The following TNNC2 variants were observed in gnomAD, a reference collection of about 807,000 sequenced individuals.
TNNC2 encodes the protein troponin C2, fast skeletal type, also known as troponin C, skeletal muscle.
Under a neutral mutation model 20.0 loss-of-function variants are expected in TNNC2, and 14 were observed. The ratio of observed to expected loss-of-function variants is 0.70; its 90% CI spans 0.46 to 1.09. TNNC2 has a LOEUF of 1.09. Among genes scored for constraint, TNNC2 ranks in the 50% least tolerant of loss-of-function variants. The pLI, the probability that TNNC2 is intolerant of heterozygous loss-of-function variation, is 0.00. For synonymous variants in TNNC2, 81 were observed against 77.3 expected, an observed-to-expected ratio of 1.05 and a Z score of -0.25; for missense variants, 163 against 223.8, an observed-to-expected ratio of 0.73 and a Z score of 1.73.
Position 45,823,756 on chromosome 20 carries a change from G to T in TNNC2, c.451+235C>A, listed in dbSNP as rs1982872365. On this transcript the variant is annotated intron_variant, in intron 5 of 5. Transcript: ENST00000372555. The surrounding 1 kb of genome is among the most constrained non-coding windows in gnomAD (Gnocchi z 4.6). ...AATCCTCCCACCTCATCCTCCCAAAGTTCTAGGATTTTACAGTCCTGAGCC... is the reference window on the plus strand; with the variant it reads ...AATCCTCCCACCTCATCCTCCCAAATTTCTAGGATTTTACAGTCCTGAGCC... Among the ~76,000 whole-genome samples, 1 of 152,008 alleles carries T rather than the reference G, an allele frequency of 6.6e-6. No homozygotes were observed. The highest frequency in any genetic ancestry group is 2.1e-4 in the South Asian group (1 of 4,814).
At chr20:45,824,947 G>A in intron 1 of TNNC2, 113 bp from the exon 2 acceptor site, 2 of 1,166,488 alleles carry the variant, frequency 1.7e-6, no homozygotes, top group Non-Finnish European at 2.5e-6. Context: ...TTCTCCAGAA[G>A]AACAACTTCA....
At chr20:45,827,348 G>A (rs556737543), upstream of TNNC2, 417 of 1,528,630 alleles carry the variant, frequency 2.7e-4, 1 homozygote, top group Non-Finnish European at 3.1e-4. Context: ...ATTTGTAGGG[G>A]CACCCTCCCC....
chr20:45,831,209 C>A (rs772192223), upstream of TNNC2, among the ~76,000 whole-genome samples: 1 of 152,054 alleles, frequency 6.6e-6, no homozygotes, highest in Non-Finnish European at 1.5e-5. Context: ...TCACTTGAGC[C>A]CAGGAGTTTG....
upstream of TNNC2, among the ~76,000 whole-genome samples, chr20:45,827,949 C>A (rs189539868): frequency 3.3e-5 from 5 of 152,208 alleles, no homozygotes; most frequent in African/African-American, 7.2e-5. Context: ...AACCCCATGA[C>A]GTGCCACACA....
upstream of TNNC2, among the ~76,000 whole-genome samples, chr20:45,828,791 G>A (rs1279030352): frequency 2.0e-5 from 3 of 152,092 alleles, no homozygotes; most frequent in Non-Finnish European, 4.4e-5. Flanking sequence ...CCAGGAAAGG[G>A]GGGCTGGACA....
upstream of TNNC2, among the ~76,000 whole-genome samples, chr20:45,829,785 C>CA (rs796645068): frequency 0.08 from 10,501 of 130,536 alleles, 1,068 homozygotes; most frequent in African/African-American, 0.24. Context: ...GACCCCGTCT[C>CA]AAAAAAAAAA....
rs1294593544 is a variant in TNNC2 at position 45,827,296 on chromosome 20, C to T, written c.-48G>A. ...TCTGTTGCAGGTCGCCTCCTTTGCA[C>T]TCCACCACCCAAAGATGACCTGGCC... On this transcript the variant is annotated 5_prime_UTR_variant, in exon 1 of 6. It adds an upstream start codon to the 5' untranslated region. Coordinates refer to ENST00000372555, the MANE Select transcript of TNNC2 (RefSeq NM_003279.3). 1.2e-6 allele frequency: 2 copies of T among 1,613,882 alleles called. No homozygotes were observed. Among genetic ancestry groups the T allele is most frequent in the South Asian group, 1.1e-5 (1 of 91,062 alleles).
intron 1 of TNNC2, among the ~76,000 whole-genome samples, chr20:45,825,855 GGCGATCTGCCT>G (rs368739554): frequency 5.9e-5 from 9 of 152,068 alleles, no homozygotes; most frequent in African/African-American, 2.2e-4. Context: ...CCCTACCTTA[GGCGATCTGCCT>G]GCCTCAGCTT....
In TNNC2 at chr20:45,823,427, G is replaced by T; in HGVS notation, c.452-48C>A. The T allele has an allele frequency of 1.3e-6, 2 of 1,562,752 alleles. No homozygotes were observed. The highest frequency in any genetic ancestry group is 2.3e-5 in the East Asian group (1 of 43,268). ...GGTCAGGGGTCCCACTGGGGACGCA[G>T]AGGCCAGGCCAGGGCTCCAGCCACA... On this transcript the variant is annotated intron_variant, in intron 5 of 5. Coordinates refer to ENST00000372555, the MANE Select transcript of TNNC2 (RefSeq NM_003279.3). The surrounding 1 kb of genome is among the most constrained non-coding windows in gnomAD (Gnocchi z 4.6).
upstream of TNNC2, among the ~76,000 whole-genome samples, chr20:45,828,903 C>T (rs1477123803): frequency 1.3e-5 from 2 of 152,146 alleles, no homozygotes; most frequent in East Asian, 3.8e-4. Flanking sequence ...CTAAATAAGG[C>T]CTCCCCCAGG....
At position 45,824,052 on chromosome 20, in the gene TNNC2, C is replaced by T. The variant is rs555536943; in HGVS notation, c.390G>A (p.Glu130=). The T allele has an allele frequency of 1.2e-6, 2 of 1,614,124 alleles. No homozygotes were observed. The highest frequency in any genetic ancestry group is 1.1e-5 in the South Asian group (1 of 91,086). Residue 130 remains glutamate (E), a synonymous_variant, in exon 5 of 6, where the codon GAG becomes GAA. Coordinates refer to ENST00000372555, the MANE Select transcript of TNNC2 (RefSeq NM_003279.3). ...FRASGEHVTD[E]EIESLMKDGD... is the part of the protein sequence containing the mutation. ...CGTCTTTCATCAGAGATTCGATCTC[C>T]TCGTCCGTCACGTGCTCCCCGGAGG...
In TNNC2 at chr20:45,823,276, TGG is replaced by T. The variant is rs1982854658; in HGVS notation, c.*70_*71del. ...CCCACAAGGGGTCGCGCCTCCCTGGTGGGGACCCGGCAGGGCGGAGTCTCCCA... is the reference window on the plus strand; with the variant it reads ...CCCACAAGGGGTCGCGCCTCCCTGGTGGACCCGGCAGGGCGGAGTCTCCCA... On this transcript the variant is annotated 3_prime_UTR_variant, in exon 6 of 6. Transcript: ENST00000372555. The surrounding 1 kb of genome is among the most constrained non-coding windows in gnomAD (Gnocchi z 4.6). The T allele has an allele frequency of 7.0e-7, 1 of 1,434,652 alleles. No homozygotes were observed. The highest frequency in any genetic ancestry group is 9.4e-7 in the Non-Finnish European group (1 of 1,068,524). The allele number at this position is 1,434,652 out of a possible 1,614,324, so 88.9% of individuals were successfully genotyped here. A position where few individuals can be genotyped will look rare whatever the true frequency, so the allele number is the denominator to read the frequency against.
upstream of TNNC2, among the ~76,000 whole-genome samples, chr20:45,829,457 C>A (rs1215313032): frequency 6.6e-6 from 1 of 151,868 alleles, no homozygotes; most frequent in Non-Finnish European, 1.5e-5. Context: ...AGCTACCACA[C>A]CCGGCAAATT....
upstream of TNNC2, chr20:45,827,377 C>A (rs913815714): frequency 9.6e-6 from 12 of 1,249,980 alleles, no homozygotes; most frequent in Non-Finnish European, 1.3e-5. Flanking sequence ...CCCTGCTCCC[C>A]AGCACTGGAG....
chr20:45,825,605 TTTTG>T (rs1177739279), intron 1 of TNNC2, among the ~76,000 whole-genome samples: 14 of 151,386 alleles, frequency 9.2e-5, no homozygotes, highest in South Asian at 8.4e-4. Context: ...CCCCAGTTTT[TTTTG>T]TTTGTTTGTT....
intron 4 of TNNC2, 23 bp downstream of exon 4, chr20:45,824,269 C>A: frequency 6.2e-7 from 1 of 1,608,020 alleles, no homozygotes; most frequent in Non-Finnish European, 8.5e-7. Flanking sequence ...GCCCCTCCCT[C>A]GGCTCCCGGG....
In TNNC2 at chr20:45,827,257, G is replaced by A; in HGVS notation, c.-9C>T. ...CCTCTTGTCCTTACCATGGTTGCTG[G>A]TGACCGGGACTCCTCTGTTGCAGGT... is the stretch of plus-strand genomic sequence containing the variant. On this transcript the variant is annotated 5_prime_UTR_variant, in exon 1 of 6. Coordinates refer to ENST00000372555, the MANE Select transcript of TNNC2 (RefSeq NM_003279.3). 6.2e-7 allele frequency: 1 copy of A among 1,614,080 alleles called. No individual in the cohort carries two copies. Among genetic ancestry groups the A allele is most frequent in the African/African-American group, 1.3e-5 (1 of 75,016 alleles).
intron 1 of TNNC2, 83 bp from the exon 2 acceptor site, chr20:45,824,917 C>G (rs973259316): frequency 1.3e-6 from 2 of 1,496,814 alleles, no homozygotes; most frequent in Non-Finnish European, 1.9e-6. Flanking sequence ...TCCCAACCCC[C>G]ACTCTGTCAG....
Position 45,827,268 on chromosome 20 carries a change from T to C in TNNC2, c.-20A>G, listed in dbSNP as rs1982997340. 1.2e-6 allele frequency: 2 copies of C among 1,613,954 alleles called. No individual in the cohort carries two copies. Among genetic ancestry groups the C allele is most frequent in the Non-Finnish European group, 1.7e-6 (2 of 1,180,012 alleles). ...TACCATGGTTGCTGGTGACCGGGAC[T>C]CCTCTGTTGCAGGTCGCCTCCTTTG... On this transcript the variant is annotated 5_prime_UTR_variant, in exon 1 of 6. Coordinates refer to ENST00000372555, the MANE Select transcript of TNNC2 (RefSeq NM_003279.3).
Sources: allele counts gnomAD v4.1 joint callset (sites outside exome capture counted in the v4.1 genomes callset), GRCh38; gene constraint gnomAD v4.1.1; non-coding constraint Gnocchi (gnomAD v3.1); transcripts MANE v1.5; gene names NCBI Gene and HGNC (gene_info 2026-07-23, HGNC 2026-07-21).